ANKRD11: variants seen among roughly 807,000 people sequenced by gnomAD.
ANKRD11 encodes the protein ankyrin repeat domain-containing protein 11.
Under a neutral mutation model 195.7 loss-of-function variants are expected in ANKRD11, and 17 were observed. That is an observed-to-expected ratio of 0.09 (90% CI 0.06 to 0.13). The LOEUF (loss-of-function observed/expected upper bound fraction) is 0.13, where lower values mean the gene tolerates loss of function less well. ANKRD11 is among the 10% of genes least tolerant of loss of function. The pLI, the probability that ANKRD11 is intolerant of heterozygous loss-of-function variation, is 1.00. For synonymous variants in ANKRD11, 1,953 were observed against 1,528.1 expected (o/e 1.28, Z -6.49); for missense variants, 3,735 against 3,566.1 (o/e 1.05, Z -1.21).
At chr16:89,341,795 G>C (rs1049560926) in intron 2 of ANKRD11, among the ~76,000 whole-genome samples, 4 of 152,108 alleles carry the variant, frequency 2.6e-5, no homozygotes, top group Admixed American at 1.3e-4. Flanking sequence ...AGAGATGGCA[G>C]AGTCTGGCAC....
chr16:89,473,043 T>C (rs2057140473), intron 1 of ANKRD11, among the ~76,000 whole-genome samples: 1 of 151,808 alleles, frequency 6.6e-6, no homozygotes, highest in African/African-American at 2.4e-5. Flanking sequence ...GTACAAACAT[T>C]AGCCAGGTGT....
At chr16:89,470,971 C>T (rs975758237) in intron 1 of ANKRD11, among the ~76,000 whole-genome samples, 21 of 151,842 alleles carry the variant, frequency 1.4e-4, no homozygotes, top group African/African-American at 4.6e-4. Flanking sequence ...CCAGCCTGGG[C>T]GACAGAGCGA....
In ANKRD11 at chr16:89,284,184, T is replaced by G. The variant is rs764069771; in HGVS notation, c.2358A>C (p.Lys786Asn). The G allele has an allele frequency of 6.2e-7, 1 of 1,605,962 alleles. No individual in the cohort carries two copies. Among genetic ancestry groups the G allele is most frequent in the East Asian group, 2.2e-5 (1 of 44,874 alleles). ...LEKKNDLKED[K>N]ISKEKEKIFK... ...AAATCTTCTCCTTCTCTTTTGAAAT[T>G]TTGTCCTCTTTTAAATCATTCTTCT... Residue 786 changes from lysine to asparagine, a missense_variant, in exon 9 of 13, where the codon AAA becomes AAC. By Grantham distance (94) the Lys-to-Asn change is moderately conservative (BLOSUM62 0). Coordinates refer to ENST00000301030, the MANE Select transcript of ANKRD11 (RefSeq NM_013275.6).
chr16:89,355,224 C>T (rs1035088556), intron 2 of ANKRD11, among the ~76,000 whole-genome samples: 1 of 151,884 alleles, frequency 6.6e-6, no homozygotes, highest in Middle Eastern at 3.2e-3. Flanking sequence ...AGAGGGCTCA[C>T]GGAGGGAGGG....
At chr16:89,489,921 C>CGG in intron 1 of ANKRD11, among the ~76,000 whole-genome samples, 1 of 148,738 alleles carries the variant, frequency 6.7e-6, no homozygotes, top group South Asian at 2.1e-4. Context: ...AGCCCCCGTC[C>CGG]GCCCCTTACG....
chr16:89,286,666 G>A, intron 7 of ANKRD11: 2 of 1,232,600 alleles, frequency 1.6e-6, no homozygotes, highest in Non-Finnish European at 2.1e-6. Flanking sequence ...CCAAGTTTCT[G>A]CAAGCTGCTT....
At position 89,305,337 on chromosome 16, in the gene ANKRD11, T is replaced by C; in HGVS notation, c.95A>G (p.Asp32Gly). 1 of 1,613,972 alleles carries C rather than the reference T, an allele frequency of 6.2e-7. No homozygotes were observed. Among genetic ancestry groups the C allele is most frequent in the Non-Finnish European group, 8.5e-7 (1 of 1,179,912 alleles). ...VEKQTGKKDKDKVSLTKTPKL... is the reference protein window; with the variant it reads ...VEKQTGKKDKGKVSLTKTPKL... The stretch of plus-strand genomic sequence containing the variant: ...TGGGGTCTTGGTTAGAGAAACTTTA[T>C]CTTTATCCTAGAAAAGAAAGGGATG... The change falls in exon 4 of 13, where the codon GAT (aspartate) becomes GGT (glycine). Residue 32 changes from aspartate to glycine, a missense_variant. Transcript: ENST00000301030.
At chr16:89,278,328 C>T (rs1324370331) in intron 9 of ANKRD11, 1 of 352,198 alleles carries the variant, frequency 2.8e-6, no homozygotes, top group Admixed American at 3.8e-5. Context: ...AGGTGGGAAC[C>T]CAGTCAGGCC....
intron 7 of ANKRD11, chr16:89,288,074 C>G (rs906559881): frequency 1.1e-5 from 6 of 569,816 alleles, no homozygotes; most frequent in Non-Finnish European, 1.9e-5. Flanking sequence ...GCTCCTGGGC[C>G]GGCCACAATG....
At chr16:89,307,132 G>C (rs541977705) in intron 3 of ANKRD11, among the ~76,000 whole-genome samples, 1 of 152,304 alleles carries the variant, frequency 6.6e-6, no homozygotes, top group East Asian at 1.9e-4. Context: ...TTCCCCATCA[G>C]TAAGCCTTCT....
intron 2 of ANKRD11, among the ~76,000 whole-genome samples, chr16:89,393,490 CTTTT>C (rs5818715): frequency 1.7e-5 from 2 of 117,074 alleles, no homozygotes. Context: ...TATCCAGCTG[CTTTT>C]TTTTTTTTTT....
At chr16:89,355,326 A>G (rs905054467) in intron 2 of ANKRD11, among the ~76,000 whole-genome samples, 4 of 152,202 alleles carry the variant, frequency 2.6e-5, no homozygotes, top group African/African-American at 4.8e-5. Flanking sequence ...CAGACCCACA[A>G]GGACCAAAGA....
chr16:89,352,560 G>C (rs1180583644), intron 2 of ANKRD11, among the ~76,000 whole-genome samples: 1 of 152,160 alleles, frequency 6.6e-6, no homozygotes, highest in Non-Finnish European at 1.5e-5. Context: ...TGAGGCCCCT[G>C]TCAGGGCCAC....
chr16:89,330,567 A>G (rs1000888454), intron 2 of ANKRD11, among the ~76,000 whole-genome samples: 4 of 141,932 alleles, frequency 2.8e-5, no homozygotes, highest in African/African-American at 5.3e-5. Flanking sequence ...TGTGGGGGGG[A>G]GCCACGGCAC....
intron 2 of ANKRD11, among the ~76,000 whole-genome samples, chr16:89,413,077 T>C (rs62068633): frequency 6.6e-6 from 1 of 150,878 alleles, no homozygotes; most frequent in African/African-American, 2.4e-5. Flanking sequence ...GGGGAGGGAG[T>C]AGGAGGGGGC....
chr16:89,341,281 T>C (rs2038645349), intron 2 of ANKRD11, among the ~76,000 whole-genome samples: 1 of 152,228 alleles, frequency 6.6e-6, no homozygotes, highest in Admixed American at 6.5e-5. Flanking sequence ...CATTTCTCTC[T>C]GCATTAAATA....
chr16:89,418,324 T>C lies in ANKRD11; in HGVS notation c.-100A>G, dbSNP rs1475894129. 4.4e-6 allele frequency: 2 copies of C among 453,920 alleles called. No individual in the cohort carries two copies. The highest frequency in any genetic ancestry group is 4.0e-5 in the African/African-American group (2 of 50,018). The allele number at this position is 453,920 out of a possible 1,614,324, so 28.1% of individuals were successfully genotyped here. A position where few individuals can be genotyped will look rare whatever the true frequency, so the allele number is the denominator to read the frequency against. On this transcript the variant is annotated 5_prime_UTR_variant, in exon 2 of 13. Transcript: ENST00000301030. The stretch of plus-strand genomic sequence containing the variant: ...AAGTCAGTGCTGACGAGGACTGTCT[T>C]TTAAATCCAATGGAGGTGTGTCCCA...
intron 2 of ANKRD11, among the ~76,000 whole-genome samples, chr16:89,410,831 G>T (rs1222248853): frequency 6.6e-6 from 1 of 152,236 alleles, no homozygotes; most frequent in Admixed American, 6.5e-5. Context: ...GAAGGGGGTG[G>T]GGAGTGGCCA....
intron 4 of ANKRD11, among the ~76,000 whole-genome samples, chr16:89,304,262 G>C (rs939570280): frequency 1.3e-5 from 2 of 152,164 alleles, no homozygotes; most frequent in Non-Finnish European, 2.9e-5. Flanking sequence ...ACACACATGG[G>C]CTTGCACACG....
Sources: allele counts gnomAD v4.1 joint callset (sites outside exome capture counted in the v4.1 genomes callset), GRCh38; gene constraint gnomAD v4.1.1; transcripts MANE v1.5; gene names NCBI Gene and HGNC (gene_info 2026-07-23, HGNC 2026-07-21).